Variants in OBI1 observed in about 807,000 individuals in gnomAD.
OBI1 encodes the protein ring finger protein 219.
OBI1 carries 59 observed loss-of-function variants against 62.4 expected under a neutral mutation model. The observed-to-expected ratio is 0.95, with a 90% CI of 0.77 to 1.17. The LOEUF is 1.17. Ranked by LOEUF, OBI1 falls within the 50% of genes most tolerant of loss-of-function variation. The probability of loss-of-function intolerance (pLI) is 0.00; values close to 1 mark genes in which losing one functional copy is unlikely to be tolerated. For missense variants in OBI1, 875 were observed against 830.9 expected, an observed-to-expected ratio of 1.05 and a Z score of -0.65; for synonymous variants, 302 against 292.8, an observed-to-expected ratio of 1.03 and a Z score of -0.32.
rs773650945 is a variant in OBI1, at chr13:78,634,094, CA to C, written c.638+1015del. 1.0e-3 allele frequency among the ~76,000 whole-genome samples: 90 copies of C among 86,292 alleles called. 1 individual carries two copies. The highest frequency in any genetic ancestry group is 9.5e-3 in the East Asian group (30 of 3,160). The allele number at this position is 86,292 out of a possible 152,430, so 56.6% of individuals were successfully genotyped here. A position where few individuals can be genotyped will look rare whatever the true frequency, so the allele number is the denominator to read the frequency against. ...AAAACAAAAAACAAAAAACAAAAAACAAAAAAAAAAAACAAAAAACAAACAA... is the reference window on the plus strand; with the variant it reads ...AAAACAAAAAACAAAAAACAAAAAACAAAAAAAAAAACAAAAAACAAACAA... On this transcript the variant is annotated intron_variant, in intron 5 of 5. Coordinates refer to ENST00000282003, the MANE Select transcript of OBI1 (RefSeq NM_024546.4).
intron 3 of OBI1, 126 bp from the exon 4 acceptor site, chr13:78,639,197 A>G (rs989916769): frequency 8.7e-6 from 8 of 914,620 alleles, no homozygotes; most frequent in African/African-American, 8.5e-5. Context: ...GATTCTTTAC[A>G]TATCAAAAGA....
chr13:78,652,117 T>C (rs1052770807), intron 1 of OBI1, among the ~76,000 whole-genome samples: 12 of 152,200 alleles, frequency 7.9e-5, no homozygotes, highest in Admixed American at 2.6e-4. Flanking sequence ...TCACCACCTT[T>C]GTGTTGGGAA....
chr13:78,638,440 G>T (rs920512904), intron 4 of OBI1, among the ~76,000 whole-genome samples: 1 of 152,166 alleles, frequency 6.6e-6, no homozygotes, highest in African/African-American at 2.4e-5. Context: ...TTTCATTGGT[G>T]CGAAAATGGT....
rs763681404 is a variant in OBI1, at chr13:78,615,592, T to G, written c.2169A>C (p.Ala723=). 3 of 1,594,434 alleles carry G rather than the reference T, an allele frequency of 1.9e-6. No homozygotes were observed. The highest frequency in any genetic ancestry group is 2.6e-6 in the Non-Finnish European group (3 of 1,172,700). Residue 723 remains alanine (A), a synonymous_variant, in exon 6 of 6, where the codon GCA becomes GCC. Transcript: ENST00000282003. The part of the protein sequence containing the change: ...SSLSSASPSK[A]TKS ...CCTTTCTAATGAGTCAACTTTTAGT[T>G]GCTTTTGATGGGCTGGCACTGGAAA...
At chr13:78,653,403 G>C in intron 1 of OBI1, among the ~76,000 whole-genome samples, 1 of 152,160 alleles carries the variant, frequency 6.6e-6, no homozygotes, top group Admixed American at 6.5e-5. Context: ...TATAGTCAAA[G>C]GAATCTTACT....
rs573588115 is a variant in OBI1, at chr13:78,627,970, A to AG, written c.638+7139dup. ...CAGATACTGGGGGCTTTGGAAATGA[A>AG]GGGGATAGGCAGCAAGGAGCTTAGA... On this transcript the variant is annotated intron_variant, in intron 5 of 5. Transcript: ENST00000282003. 4.3e-4 allele frequency among the ~76,000 whole-genome samples: 66 copies of AG among 152,328 alleles called. No homozygotes were observed. In the East Asian group the frequency reaches 0.012, roughly 27 times the overall value.
chr13:78,642,545 A>T (rs1347185259), intron 2 of OBI1, among the ~76,000 whole-genome samples: 1 of 152,248 alleles, frequency 6.6e-6, no homozygotes, highest in Non-Finnish European at 1.5e-5. Flanking sequence ...ATATTTAAAT[A>T]ATAAAACCAA....
At chr13:78,630,900 G>A (rs948340315) in intron 5 of OBI1, among the ~76,000 whole-genome samples, 9 of 152,254 alleles carry the variant, frequency 5.9e-5, no homozygotes, top group Middle Eastern at 3.4e-3. Context: ...AATTAAGAGT[G>A]ATTCCTTGCT....
At chr13:78,655,045 C>T (rs1004071941) in intron 1 of OBI1, among the ~76,000 whole-genome samples, 4 of 152,182 alleles carry the variant, frequency 2.6e-5, no homozygotes, top group Non-Finnish European at 5.9e-5. Context: ...TGCTGAAAAG[C>T]ATTAGTTGCT....
rs1255233564 is a variant in OBI1 at position 78,642,170 on chromosome 13, C to T, written c.252G>A (p.Arg84=). Residue 84 remains arginine, a synonymous_variant, in exon 3 of 6, where the codon AGG becomes AGA. Coordinates refer to ENST00000282003, the MANE Select transcript of OBI1 (RefSeq NM_024546.4). ...ESEPMLSHTV[R]KHLRKTRLEL... Reference sequence around the variant, plus strand: ...CAAGTCTAGTTTTCCGAAGATGCTTCCTGACCGTATGGCTTAGCATAGGTT... The same window carrying T: ...CAAGTCTAGTTTTCCGAAGATGCTTTCTGACCGTATGGCTTAGCATAGGTT... 6.2e-7 allele frequency: 1 copy of T among 1,611,300 alleles called. No homozygotes were observed. The highest frequency in any genetic ancestry group is 1.7e-5 in the Admixed American group (1 of 59,988).
At position 78,651,852 on chromosome 13, in the gene OBI1, C is replaced by A. The variant is rs559523852; in HGVS notation, c.73-6855G>T. Among the ~76,000 whole-genome samples the A allele has an allele frequency of 2.1e-4, 32 of 152,248 alleles. No homozygotes were observed. The South Asian group carries it at 5.8e-3, about 28-fold the overall frequency. ...TGAGTGTCCTTCTCATCTCTAACAA[C>A]TGCAAGATTAATAAAAGTGAATTTT... is the stretch of plus-strand genomic sequence containing the variant. On this transcript the variant is annotated intron_variant, in intron 1 of 5. Transcript: ENST00000282003.
chr13:78,649,714 G>C (rs1876492444), intron 1 of OBI1, among the ~76,000 whole-genome samples: 1 of 152,196 alleles, frequency 6.6e-6, no homozygotes, highest in African/African-American at 2.4e-5. Context: ...AAGTCCCTAA[G>C]AAGTCAAGAG....
At chr13:78,624,928 C>G (rs1875622705) in intron 5 of OBI1, among the ~76,000 whole-genome samples, 1 of 152,194 alleles carries the variant, frequency 6.6e-6, no homozygotes, top group African/African-American at 2.4e-5. Flanking sequence ...GCACACTGGG[C>G]AAAGTTGCCC....
intron 2 of OBI1, among the ~76,000 whole-genome samples, chr13:78,643,575 G>C (rs1386612874): frequency 6.6e-6 from 1 of 152,212 alleles, no homozygotes; most frequent in Non-Finnish European, 1.5e-5. Flanking sequence ...GATCACCTGA[G>C]GTCGGGAGTT....
rs760989476 is a variant in OBI1, at chr13:78,659,108, C to T, written c.13G>A (p.Val5Met). 8.7e-6 allele frequency: 14 copies of T among 1,611,628 alleles called. No individual in the cohort carries two copies. Among genetic ancestry groups the T allele is most frequent in the East Asian group, 4.5e-5 (2 of 44,622 alleles). Residue 5 changes from valine (V) to methionine (M), a missense_variant, in exon 1 of 6, where the codon GTG becomes ATG. By Grantham distance (21) the Val-to-Met change is conservative. Transcript: ENST00000282003. The stretch of plus-strand genomic sequence containing the variant: ...GTGAGCGACAATGTAACATTCTGCA[C>T]GGTCTGAGCCATGGCAGCGTTCAGA... MAQT[V>M]QNVTLSLTLP...
chr13:78,644,754 G>A (rs780616685), intron 2 of OBI1, 108 bp downstream of exon 2: 22 of 1,223,332 alleles, frequency 1.8e-5, no homozygotes, highest in Non-Finnish European at 2.5e-5. Context: ...GTATTATGTT[G>A]GCCAAATAGC....
intron 5 of OBI1, among the ~76,000 whole-genome samples, chr13:78,627,815 T>C (rs541241366): frequency 1.3e-5 from 2 of 152,368 alleles, no homozygotes; most frequent in African/African-American, 4.8e-5. Context: ...GTCAAGGTAA[T>C]AGATTTCCTT....
chr13:78,655,910 T>C (rs574707288), intron 1 of OBI1, among the ~76,000 whole-genome samples: 1 of 152,214 alleles, frequency 6.6e-6, no homozygotes, highest in East Asian at 1.9e-4. Flanking sequence ...TGTAGGAGGG[T>C]GAGCAGCACA....
Position 78,616,198 on chromosome 13 carries a change from C to T in OBI1, c.1563G>A (p.Arg521=). ...TCGATGCTTCACTGGATGTTCTTGT[C>T]CGGTTCATTTCAAAAGAGCGAATAG... is the stretch of plus-strand genomic sequence containing the variant. ...LNSIRSFEMN[R]TRTSSEASMD... is the part of the protein sequence containing the mutation. Residue 521 remains arginine, a synonymous_variant, in exon 6 of 6, where the codon CGG becomes CGA. Transcript: ENST00000282003. 6.2e-7 allele frequency: 1 copy of T among 1,614,070 alleles called. No homozygotes were observed. The highest frequency in any genetic ancestry group is 8.5e-7 in the Non-Finnish European group (1 of 1,180,002).
Sources: allele counts gnomAD v4.1 joint callset (sites outside exome capture counted in the v4.1 genomes callset), GRCh38; gene constraint gnomAD v4.1.1; transcripts MANE v1.5; gene names NCBI Gene and HGNC (gene_info 2026-07-23, HGNC 2026-07-21).